The following GRID1 variants were observed in gnomAD, a reference collection of about 807,000 sequenced individuals.
GRID1 encodes glutamate receptor ionotropic, delta-1.
GRID1 carries 28 observed loss-of-function variants against 98.0 expected under a neutral mutation model. That is an observed-to-expected ratio of 0.29 (90% CI 0.21 to 0.39). GRID1 has a LOEUF of 0.39. Ranked by LOEUF, GRID1 falls within the 10% of genes least tolerant of loss-of-function variation. The pLI, the probability that GRID1 is intolerant of heterozygous loss-of-function variation, is 1.00. For synonymous variants in GRID1, 553 were observed against 538.5 expected (o/e 1.03, Z -0.37); for missense variants, 1,111 against 1,340.5 (o/e 0.83, Z 2.67).
chr10:85,882,515 C>T lies in GRID1; in HGVS notation c.781-13335G>A, dbSNP rs545599697. ...GAAACCATCATTCTCAGCAAACTAT[C>T]GCAAGGACAAAAAACCAAACACCGC... On this transcript the variant is annotated intron_variant, in intron 5 of 15. Coordinates refer to ENST00000327946, the MANE Select transcript of GRID1 (RefSeq NM_017551.3). Among the ~76,000 whole-genome samples the T allele has an allele frequency of 1.4e-4, 22 of 152,144 alleles. 1 individual carries two copies. The South Asian group carries it at 2.9e-3, about 20-fold the overall frequency.
chr10:85,617,012 C>T (rs1842797634), intron 14 of GRID1, among the ~76,000 whole-genome samples: 2 of 152,156 alleles, frequency 1.3e-5, no homozygotes, highest in Non-Finnish European at 2.9e-5. Context: ...TGTCCTCTGC[C>T]AAAGCAAAGG....
intron 2 of GRID1, among the ~76,000 whole-genome samples, chr10:86,308,135 G>C (rs1847784341): frequency 6.6e-6 from 1 of 152,056 alleles, no homozygotes; most frequent in South Asian, 2.1e-4. Context: ...CCAGAATTCT[G>C]CTCTCACTCC....
At chr10:85,717,290 T>A (rs1841650455) in intron 12 of GRID1, among the ~76,000 whole-genome samples, 1 of 151,918 alleles carries the variant, frequency 6.6e-6, no homozygotes, top group South Asian at 2.1e-4. Flanking sequence ...GTTTTCATGC[T>A]GCTGATAAAG....
At chr10:86,197,655 C>A (rs780844825) in intron 3 of GRID1, among the ~76,000 whole-genome samples, 4 of 152,032 alleles carry the variant, frequency 2.6e-5, no homozygotes, top group South Asian at 2.1e-4. Flanking sequence ...CAGGACCCAG[C>A]AGCACACCGG....
chr10:86,315,097 G>A (rs1847880843), intron 2 of GRID1, among the ~76,000 whole-genome samples: 1 of 152,146 alleles, frequency 6.6e-6, no homozygotes, highest in South Asian at 2.1e-4. Flanking sequence ...CTCTGCCTCT[G>A]TCAAACAGCA....
Position 86,244,804 on chromosome 10 carries a change from C to T in GRID1, c.236-38156G>A, listed in dbSNP as rs189283494. Among the ~76,000 whole-genome samples, 9 of 152,364 alleles carry T rather than the reference C, an allele frequency of 5.9e-5. No homozygotes were observed. In the East Asian group the frequency reaches 1.5e-3, roughly 26 times the overall value. ...TAAGCTGAGCTAGTCCTCGAATATC[C>T]TCAGAGATGTAAATTATGTGGGTTG... On this transcript the variant is annotated intron_variant, in intron 2 of 15. Transcript: ENST00000327946.
At chr10:85,922,787 G>C (rs935349954) in intron 4 of GRID1, among the ~76,000 whole-genome samples, 4 of 152,172 alleles carry the variant, frequency 2.6e-5, no homozygotes, top group Non-Finnish European at 5.9e-5. Context: ...AATCAGCAAA[G>C]CAGACACCAT....
chr10:85,813,724 G>T (rs182291538), intron 8 of GRID1, among the ~76,000 whole-genome samples: 11 of 151,738 alleles, frequency 7.2e-5, no homozygotes, highest in African/African-American at 2.7e-4. Flanking sequence ...AAATATCTAG[G>T]CTATTTTCTT....
At chr10:85,907,083 A>C (rs940857225) in intron 5 of GRID1, among the ~76,000 whole-genome samples, 1 of 152,184 alleles carries the variant, frequency 6.6e-6, no homozygotes, top group Non-Finnish European at 1.5e-5. Flanking sequence ...GTGGGATATT[A>C]TGAACTTCAT....
chr10:85,894,780 G>T (rs892821182), intron 5 of GRID1, among the ~76,000 whole-genome samples: 5 of 151,820 alleles, frequency 3.3e-5, no homozygotes, highest in African/African-American at 1.2e-4. Context: ...GGCCAAAATA[G>T]GCAGATCACT....
intron 5 of GRID1, among the ~76,000 whole-genome samples, chr10:85,895,016 A>AAAATATATATATATAT (rs766551035): frequency 4.8e-4 from 47 of 97,098 alleles, no homozygotes; most frequent in Non-Finnish European, 8.7e-4. Flanking sequence ...AAAAAAAAAA[A>AAAATATATATATATAT]ATATATATAT....
At chr10:86,336,813 A>G (rs1848227880) in intron 2 of GRID1, among the ~76,000 whole-genome samples, 1 of 151,138 alleles carries the variant, frequency 6.6e-6, no homozygotes, top group Admixed American at 6.6e-5. Flanking sequence ...GCATTTCCAG[A>G]AAGACCCTGA....
intron 8 of GRID1, among the ~76,000 whole-genome samples, chr10:85,824,467 C>G (rs1335005037): frequency 1.3e-5 from 2 of 152,238 alleles, no homozygotes; most frequent in Admixed American, 6.5e-5. Context: ...CCGCCTTGGC[C>G]TCCCAAGGTG....
intron 12 of GRID1, among the ~76,000 whole-genome samples, chr10:85,706,648 T>C (rs1014079784): frequency 9.2e-5 from 14 of 152,186 alleles, no homozygotes; most frequent in Non-Finnish European, 1.6e-4. Flanking sequence ...GAGCCCGCAT[T>C]GCCAAGTCAA....
chr10:86,129,102 G>A (rs1442614310), intron 4 of GRID1, among the ~76,000 whole-genome samples: 1 of 152,144 alleles, frequency 6.6e-6, no homozygotes, highest in Non-Finnish European at 1.5e-5. Flanking sequence ...CGGGTGCCTG[G>A]GAGGTTGTAG....
intron 4 of GRID1, among the ~76,000 whole-genome samples, chr10:86,088,455 C>G (rs1744253896): frequency 6.6e-6 from 1 of 152,204 alleles, no homozygotes; most frequent in Admixed American, 6.5e-5. Context: ...AAATGAGCAA[C>G]TGTACTTTGA....
chr10:86,194,548 C>T (rs1023050460), intron 3 of GRID1, among the ~76,000 whole-genome samples: 1 of 152,238 alleles, frequency 6.6e-6, no homozygotes, highest in Admixed American at 6.5e-5. Context: ...AGGGAGAACA[C>T]GTGCCTAATG....
At chr10:85,676,271 C>A (rs534145168) in intron 12 of GRID1, among the ~76,000 whole-genome samples, 2 of 152,046 alleles carry the variant, frequency 1.3e-5, no homozygotes, top group East Asian at 3.9e-4. Flanking sequence ...CTGGAGATGA[C>A]CCCCATCTTA....
chr10:85,705,147 CA>C (rs1338211727), intron 12 of GRID1, among the ~76,000 whole-genome samples: 1 of 151,984 alleles, frequency 6.6e-6, no homozygotes, highest in Non-Finnish European at 1.5e-5. Flanking sequence ...AATAGAGACA[CA>C]AAAAACCCTT....
Sources: gnomAD v4.1 joint callset for allele counts (sites outside exome capture counted in the v4.1 genomes callset) on GRCh38, gnomAD v4.1.1 for gene constraint, MANE v1.5 for transcripts, NCBI Gene and HGNC (gene_info 2026-07-23, HGNC 2026-07-21) for gene names.